ZFYVE9: variants seen among roughly 807,000 people sequenced by gnomAD.
ZFYVE9 encodes zinc finger FYVE-type containing 9.
In ZFYVE9, 43 loss-of-function variants were observed where a neutral mutation model predicts 126.7. That is an observed-to-expected ratio of 0.34 (90% CI 0.27 to 0.44). ZFYVE9 has a LOEUF of 0.44. Ranked by LOEUF, ZFYVE9 falls within the 20% of genes least tolerant of loss-of-function variation. The probability of loss-of-function intolerance (pLI) is 1.00; values close to 1 mark genes in which losing one functional copy is unlikely to be tolerated. For synonymous variants in ZFYVE9, 521 were observed against 597.4 expected, an observed-to-expected ratio of 0.87 and a Z score of 1.87; for missense variants, 1,476 against 1,697.0, an observed-to-expected ratio of 0.87 and a Z score of 2.29.
At chr1:52,248,840 A>G (rs1572133901) in intron 4 of ZFYVE9, among the ~76,000 whole-genome samples, 2 of 152,286 alleles carry the variant, frequency 1.3e-5, no homozygotes, top group South Asian at 4.1e-4. Context: ...ATTAAGCACC[A>G]TATTCTTTTT....
In ZFYVE9 at chr1:52,239,274, G is replaced by T; in HGVS notation, c.1857G>T (p.Gly619=). ...NNTKNKNDIL[G]KAKLGENSAT... Reference sequence around the variant, plus strand: ...CTAAAAATAAAAATGATATTCTTGGGAAAGCAAAATTAGGGGAAAACTCAG... The same window carrying T: ...CTAAAAATAAAAATGATATTCTTGGTAAAGCAAAATTAGGGGAAAACTCAG... Residue 619 remains glycine, a synonymous_variant, in exon 4 of 19, where the codon GGG becomes GGT. Transcript: ENST00000287727. 1 of 1,614,132 alleles carries T rather than the reference G, an allele frequency of 6.2e-7. No individual in the cohort carries two copies. Among genetic ancestry groups the T allele is most frequent in the Non-Finnish European group, 8.5e-7 (1 of 1,180,008 alleles).
Position 52,228,547 on chromosome 1 carries a change from A to G in ZFYVE9, c.-36-4624A>G, listed in dbSNP as rs1557468292. 8.5e-5 allele frequency among the ~76,000 whole-genome samples: 13 copies of G among 152,272 alleles called. No homozygotes were observed. In the South Asian group the frequency reaches 2.5e-3, roughly 29 times the overall value. On this transcript the variant is annotated intron_variant, in intron 2 of 18. Coordinates refer to ENST00000287727, the MANE Select transcript of ZFYVE9 (RefSeq NM_004799.4). ...TTTTACCATTTTGTCCCTTTTGCACACCTTTCTTCCCTTCCCACACATATA... is the reference window on the plus strand; with the variant it reads ...TTTTACCATTTTGTCCCTTTTGCACGCCTTTCTTCCCTTCCCACACATATA...
rs748011739 is a variant in ZFYVE9 at position 52,346,049 on chromosome 1, CTG to C, written c.4117-8_4117-7del. The C allele has an allele frequency of 1.3e-6, 2 of 1,576,416 alleles. No homozygotes were observed. Among genetic ancestry groups the C allele is most frequent in the Admixed American group, 3.6e-5 (2 of 55,104 alleles). ...TCAGTAACCTCTCCTCCTTTTCTCT[CTG>C]TGGTATAGGTTGGCTATCAAGCAGG... On this transcript the variant is annotated splice_polypyrimidine_tract_variant and intron_variant, in intron 18 of 18. Coordinates refer to ENST00000287727, the MANE Select transcript of ZFYVE9 (RefSeq NM_004799.4).
chr1:52,291,028 T>G (rs983143615), intron 10 of ZFYVE9, among the ~76,000 whole-genome samples: 2 of 152,200 alleles, frequency 1.3e-5, no homozygotes, highest in African/African-American at 4.8e-5. Context: ...CTGCAATTTA[T>G]TTTTCAAAAT....
At chr1:52,326,930 AG>A (rs1646297279) in intron 13 of ZFYVE9, among the ~76,000 whole-genome samples, 2 of 152,140 alleles carry the variant, frequency 1.3e-5, no homozygotes, top group East Asian at 3.9e-4. Context: ...TGGGAGGCTG[AG>A]GTGGGTGGAT....
At chr1:52,335,022 G>T in intron 15 of ZFYVE9, 1 of 316,172 alleles carries the variant, frequency 3.2e-6, no homozygotes, top group Admixed American at 4.6e-5. Flanking sequence ...AGGGCATGTA[G>T]TCTGAGTTCA....
chr1:52,251,589 A>G (rs903921852), intron 4 of ZFYVE9, among the ~76,000 whole-genome samples: 1 of 149,896 alleles, frequency 6.7e-6, no homozygotes, highest in African/African-American at 2.5e-5. Context: ...AATATGTTCA[A>G]TTCAATTTGC....
At chr1:52,345,785 C>G (rs969575559) in intron 18 of ZFYVE9, 17 of 298,060 alleles carry the variant, frequency 5.7e-5, no homozygotes, top group Non-Finnish European at 1.2e-5. Context: ...TTCTGATACT[C>G]CATACCTTTT....
At chr1:52,244,041 T>C (rs926999884) in intron 4 of ZFYVE9, among the ~76,000 whole-genome samples, 32 of 152,302 alleles carry the variant, frequency 2.1e-4, no homozygotes, top group Admixed American at 6.5e-4. Context: ...TATAAAATAC[T>C]GTCAGTAAGA....
At chr1:52,299,965 G>T (rs945441554) in intron 12 of ZFYVE9, among the ~76,000 whole-genome samples, 1 of 152,224 alleles carries the variant, frequency 6.6e-6, no homozygotes, top group African/African-American at 2.4e-5. Context: ...GGACGAGGCT[G>T]CAGTGGTCAT....
intron 1 of ZFYVE9, among the ~76,000 whole-genome samples, chr1:52,200,220 C>T (rs747652505): frequency 6.6e-6 from 1 of 151,816 alleles, no homozygotes; most frequent in Non-Finnish European, 1.5e-5. Flanking sequence ...ACTCTGTCAC[C>T]CAGGCTGGAG....
At chr1:52,322,790 CAT>C in intron 13 of ZFYVE9, among the ~76,000 whole-genome samples, 1 of 152,048 alleles carries the variant, frequency 6.6e-6, no homozygotes, top group East Asian at 1.9e-4. Flanking sequence ...TTTCTCGACT[CAT>C]TATCTCTGTG....
At chr1:52,274,227 T>G (rs1207986383) in intron 7 of ZFYVE9, among the ~76,000 whole-genome samples, 1 of 152,310 alleles carries the variant, frequency 6.6e-6, no homozygotes, top group African/African-American at 2.4e-5. Flanking sequence ...CTTCTGTCAT[T>G]ACCATGATTT....
At chr1:52,151,524 T>C (rs1644356298) in intron 1 of ZFYVE9, among the ~76,000 whole-genome samples, 1 of 151,814 alleles carries the variant, frequency 6.6e-6, no homozygotes, top group African/African-American at 2.4e-5. Context: ...TTTTTTCTTT[T>C]TTTTTTTTTG....
At chr1:52,211,337 C>A (rs1006359788) in intron 1 of ZFYVE9, among the ~76,000 whole-genome samples, 1 of 152,124 alleles carries the variant, frequency 6.6e-6, no homozygotes, top group Non-Finnish European at 1.5e-5. Flanking sequence ...ACAGGTGCTA[C>A]GTCACAATCA....
At chr1:52,278,729 TTC>T in intron 9 of ZFYVE9, 115 bp downstream of exon 9, 34 of 807,310 alleles carry the variant, frequency 4.2e-5, no homozygotes, top group Admixed American at 1.0e-4. Context: ...CTTTTTTTTT[TTC>T]TTTTTTTTTT....
At chr1:52,278,224 T>C (rs1017349810) in intron 8 of ZFYVE9, among the ~76,000 whole-genome samples, 7 of 152,206 alleles carry the variant, frequency 4.6e-5, no homozygotes, top group African/African-American at 1.7e-4. Flanking sequence ...AGGTAGTCTT[T>C]AGATTGTGGC....
chr1:52,228,160 C>G (rs1331169668), intron 2 of ZFYVE9, among the ~76,000 whole-genome samples: 2 of 152,212 alleles, frequency 1.3e-5, no homozygotes, highest in East Asian at 3.9e-4. Flanking sequence ...CCCACTGCAA[C>G]CTCCGTCTCC....
chr1:52,224,430 G>T (rs979795611), intron 2 of ZFYVE9, among the ~76,000 whole-genome samples: 1 of 152,142 alleles, frequency 6.6e-6, no homozygotes, highest in Non-Finnish European at 1.5e-5. Context: ...GGTCGTCTTT[G>T]GGAGGTATTG....
Sources: allele counts gnomAD v4.1 joint callset (sites outside exome capture counted in the v4.1 genomes callset), GRCh38; gene constraint gnomAD v4.1.1; transcripts MANE v1.5; gene names NCBI Gene and HGNC (gene_info 2026-07-23, HGNC 2026-07-21).